ACAD11: variants seen among roughly 807,000 people sequenced by gnomAD.
The protein encoded by ACAD11 is acyl-Coenzyme A dehydrogenase family, member 11.
Under a neutral mutation model 102.2 loss-of-function variants are expected in ACAD11, and 83 were observed. That is an observed-to-expected ratio of 0.81 (90% CI 0.68 to 0.97). The LOEUF is 0.97. ACAD11 is among the 50% of genes least tolerant of loss of function. ACAD11 has a pLI of 0.00. For synonymous variants in ACAD11, 324 were observed against 319.8 expected, an observed-to-expected ratio of 1.01 and a Z score of -0.14; for missense variants, 901 against 951.7, an observed-to-expected ratio of 0.95 and a Z score of 0.70.
intron 11 of ACAD11, among the ~76,000 whole-genome samples, chr3:132,610,782 T>G (rs1013027676): frequency 2.0e-5 from 3 of 152,152 alleles, no homozygotes; most frequent in Non-Finnish European, 2.9e-5. Context: ...ACAGCTGAAT[T>G]CTACCAGAGG....
At chr3:132,654,371 T>C (rs553080939) in intron 1 of ACAD11, 2 of 152,198 alleles carry the variant, frequency 1.3e-5, no homozygotes, top group Admixed American at 1.3e-4. Context: ...CATAATGGAG[T>C]CACTTATGAC....
chr3:132,643,503 G>A (rs1433181133), intron 2 of ACAD11, among the ~76,000 whole-genome samples: 1 of 152,208 alleles, frequency 6.6e-6, no homozygotes, highest in African/African-American at 2.4e-5. Flanking sequence ...GCCAAGTAAG[G>A]ATGGCTTATC....
At position 132,578,771 on chromosome 3, in the gene ACAD11, A is replaced by T. The variant is rs753746125; in HGVS notation, c.1774+25T>A. 27 of 1,609,186 alleles carry T rather than the reference A, an allele frequency of 1.7e-5. 1 individual carries two copies. In the African/African-American group the frequency reaches 2.4e-4, roughly 14 times the overall value. On this transcript the variant is annotated intron_variant, in intron 15 of 19. Transcript: ENST00000264990. ...TTCTAGCCTTCCTGCTTGCTAATGCATGGTCATATTTATTGGATACCTACC... is the reference window on the plus strand; with the variant it reads ...TTCTAGCCTTCCTGCTTGCTAATGCTTGGTCATATTTATTGGATACCTACC...
intron 11 of ACAD11, among the ~76,000 whole-genome samples, chr3:132,611,911 C>A (rs984007559): frequency 3.9e-5 from 6 of 151,926 alleles, no homozygotes; most frequent in African/African-American, 1.5e-4. Flanking sequence ...GAGCCTGCAT[C>A]GCCAAGTCAA....
intron 16 of ACAD11, among the ~76,000 whole-genome samples, chr3:132,576,379 C>T (rs58742976): frequency 0.036 from 5,554 of 152,210 alleles, 327 homozygotes; most frequent in African/African-American, 0.13. Flanking sequence ...AACACAAAAA[C>T]ATTCCTGGAA....
chr3:132,605,150 C>T lies in ACAD11; in HGVS notation c.1470G>A (p.Gln490=), dbSNP rs1938787870. 3 of 1,613,646 alleles carry T rather than the reference C, an allele frequency of 1.9e-6. No homozygotes were observed. The highest frequency in any genetic ancestry group is 2.5e-6 in the Non-Finnish European group (3 of 1,179,720). ...TCCCTTGAAGAAGAGGCTCAAGCCA[C>T]TGTTTCTTCTGTTCCTCACTTCCAT... ...HLYGSEEQKK[Q]WLEPLLQGNI... is the part of the protein sequence containing the mutation. The change falls in exon 12 of 20, where the codon CAG becomes CAA. Residue 490 remains glutamine (Q), a synonymous_variant. Transcript: ENST00000264990.
At chr3:132,644,296 A>G (rs546553045) in intron 2 of ACAD11, among the ~76,000 whole-genome samples, 64 of 152,272 alleles carry the variant, frequency 4.2e-4, no homozygotes, top group African/African-American at 1.5e-3. Context: ...AGACAGAAAA[A>G]CCTAGTTTTC....
intron 17 of ACAD11, among the ~76,000 whole-genome samples, chr3:132,573,255 A>C (rs2107789104): frequency 6.6e-6 from 1 of 152,280 alleles, no homozygotes; most frequent in East Asian, 1.9e-4. Flanking sequence ...TAAAGCGGTG[A>C]TGTTCAACAT....
rs202101148 is a variant in ACAD11, at chr3:132,561,221, T to C, written c.2002-4A>G. 5,297 of 1,609,928 alleles carry C rather than the reference T, an allele frequency of 3.3e-3. 33 individuals are homozygous for C. Among genetic ancestry groups the C allele is most frequent in the Non-Finnish European group, 3.9e-3 (4,591 of 1,176,846 alleles). Reference sequence around the variant, plus strand: ...CAATCCAGTGAGCCACAACCTCCTATAGGGGAGGAAAAGGCAGCAAAAGAA... The same window carrying C: ...CAATCCAGTGAGCCACAACCTCCTACAGGGGAGGAAAAGGCAGCAAAAGAA... On this transcript the variant is annotated splice_polypyrimidine_tract_variant and splice_region_variant and intron_variant, in intron 17 of 19. Coordinates refer to ENST00000264990, the MANE Select transcript of ACAD11 (RefSeq NM_032169.5).
chr3:132,636,955 GA>G (rs1460268893), intron 5 of ACAD11, among the ~76,000 whole-genome samples: 1 of 152,104 alleles, frequency 6.6e-6, no homozygotes, highest in African/African-American at 2.4e-5. Flanking sequence ...AGTTTGAGAA[GA>G]AGGGAAAAGA....
chr3:132,604,963 A>G (rs1938776396), intron 12 of ACAD11, 135 bp downstream of exon 12: 1 of 561,320 alleles, frequency 1.8e-6, no homozygotes, highest in Non-Finnish European at 3.1e-6. Context: ...ACAGGCTCAA[A>G]ATAAACATAC....
chr3:132,616,721 T>C (rs951461518), intron 11 of ACAD11, among the ~76,000 whole-genome samples: 33 of 152,212 alleles, frequency 2.2e-4, no homozygotes, highest in Non-Finnish European at 2.9e-4. Context: ...TTCAGTTCCC[T>C]TTCCACAAAA....
chr3:132,597,143 A>C (rs1180702762), intron 13 of ACAD11: 1 of 152,206 alleles, frequency 6.6e-6, no homozygotes, highest in Non-Finnish European at 1.5e-5. Context: ...AGTTGAATTT[A>C]ACTTCACAGA....
At position 132,558,722 on chromosome 3, in the gene ACAD11, G is replaced by C. The variant is rs41272311; in HGVS notation, c.*249C>G. The C allele has an allele frequency of 1.2e-5, 5 of 419,018 alleles. No homozygotes were observed. Among genetic ancestry groups the C allele is most frequent in the Non-Finnish European group, 1.7e-5 (4 of 237,154 alleles). The allele number at this position is 419,018 out of a possible 1,614,324, so 26.0% of individuals were successfully genotyped here. On this transcript the variant is annotated 3_prime_UTR_variant, in exon 20 of 20. Transcript: ENST00000264990. ...TCGCTATGTTGCCCAGGCTGGTCCT[G>C]AACTCCTGGCCTCAAGGAGGCACTA...
intron 9 of ACAD11, among the ~76,000 whole-genome samples, chr3:132,624,856 G>C (rs1939751948): frequency 6.6e-6 from 1 of 151,698 alleles, no homozygotes; most frequent in African/African-American, 2.4e-5. Context: ...GCTAATTTTT[G>C]TATTTTTAGT....
chr3:132,582,569 T>G (rs192332595), intron 13 of ACAD11, among the ~76,000 whole-genome samples: 1 of 152,130 alleles, frequency 6.6e-6, no homozygotes, highest in East Asian at 1.9e-4. Context: ...TGAATTTGCT[T>G]TTAATCTGAA....
chr3:132,568,749 G>A (rs974332928), intron 17 of ACAD11, among the ~76,000 whole-genome samples: 16 of 133,596 alleles, frequency 1.2e-4, no homozygotes, highest in Admixed American at 5.5e-4. Flanking sequence ...ATTCAATGGA[G>A]GAAACATAGC....
Position 132,601,788 on chromosome 3 carries a change from C to G in ACAD11, c.1621+1441G>C, listed in dbSNP as rs144307055. 4.8e-3 allele frequency: 1,904 copies of G among 396,676 alleles called. 11 individuals are homozygous for G. The highest frequency in any genetic ancestry group is 6.3e-3 in the Non-Finnish European group (1,255 of 200,556). 24.6% of individuals were successfully genotyped at this position (396,676 alleles called of 1,614,324 possible). ...AATCTACACAAGTGATAAAATGACA[C>G]AGAACTATATACACACATTGTACCA... On this transcript the variant is annotated intron_variant, in intron 13 of 19. Coordinates refer to ENST00000264990, the MANE Select transcript of ACAD11 (RefSeq NM_032169.5).
At chr3:132,562,576 C>T (rs1371599242) in intron 17 of ACAD11, among the ~76,000 whole-genome samples, 3 of 152,166 alleles carry the variant, frequency 2.0e-5, no homozygotes, top group African/African-American at 7.2e-5. Flanking sequence ...ATGAGAGTTC[C>T]AGTTGCTCCT....
Sources: allele counts gnomAD v4.1 joint callset (sites outside exome capture counted in the v4.1 genomes callset), GRCh38; gene constraint gnomAD v4.1.1; transcripts MANE v1.5; gene names NCBI Gene and HGNC (gene_info 2026-07-23, HGNC 2026-07-21).